ACO2: variants seen among roughly 807,000 people sequenced by gnomAD.
The protein encoded by ACO2 is aconitase 2, also known as aconitate hydratase, mitochondrial.
Under a neutral mutation model 84.5 loss-of-function variants are expected in ACO2, and 31 were observed. The ratio of observed to expected loss-of-function variants is 0.37; its 90% CI spans 0.28 to 0.50. ACO2 has a LOEUF of 0.50. Among genes scored for constraint, ACO2 ranks in the 20% least tolerant of loss-of-function variants. ACO2 has a pLI of 0.97. For missense variants in ACO2, 685 were observed against 1,029.3 expected (o/e 0.67, Z 4.58); for synonymous variants, 414 against 412.7 (o/e 1.00, Z -0.04).
chr22:41,528,684 G>T lies in ACO2; in HGVS notation c.*71G>T, dbSNP rs138060670. 4.5e-6 allele frequency: 7 copies of T among 1,562,792 alleles called. No individual in the cohort carries two copies. The highest frequency in any genetic ancestry group is 5.2e-6 in the Non-Finnish European group (6 of 1,156,810). Reference sequence around the variant, plus strand: ...CGTGTGCCATCAGTGGATCCGATCCGTCCAGCCATGGCTTCCTATTCCAAG... The same window carrying T: ...CGTGTGCCATCAGTGGATCCGATCCTTCCAGCCATGGCTTCCTATTCCAAG... On this transcript the variant is annotated 3_prime_UTR_variant, in exon 18 of 18. Coordinates refer to ENST00000216254, the MANE Select transcript of ACO2 (RefSeq NM_001098.3).
intron 1 of ACO2, among the ~76,000 whole-genome samples, chr22:41,478,074 AC>A (rs1461743714): frequency 6.6e-6 from 1 of 152,056 alleles, no homozygotes; most frequent in Non-Finnish European, 1.5e-5. Context: ...CAAAAAAAAA[AC>A]CAAACCAGTT....
chr22:41,523,316 C>T, intron 11 of ACO2, 38 bp downstream of exon 11: 2 of 1,523,024 alleles, frequency 1.3e-6, no homozygotes, highest in Non-Finnish European at 1.8e-6. Context: ...GCCCCTTGTG[C>T]ACAGGGTACA....
Position 41,526,364 on chromosome 22 carries a change from A to G in ACO2, c.1864A>G (p.Ile622Val), listed in dbSNP as rs2066596135. Reference sequence around the variant, plus strand: ...CTCCAACAACCTGCTCATTGGTGCCATCAACATTGAAAACGGCAAGGCCAA... The same window carrying G: ...CTCCAACAACCTGCTCATTGGTGCCGTCAACATTGAAAACGGCAAGGCCAA... ...NISNNLLIGA[I>V]NIENGKANSV... The change falls in exon 15 of 18, where the codon ATC (isoleucine) becomes GTC (valine). Residue 622 changes from isoleucine (I) to valine (V), a missense_variant. By Grantham distance (29) the Ile-to-Val change is conservative (BLOSUM62 3). Around this residue, in one of 5 missense-constraint regions of ACO2, gnomAD observed 174 missense variants for 236.6 expected, o/e 0.74. Transcript: ENST00000216254. The G allele has an allele frequency of 6.2e-7, 1 of 1,613,626 alleles. No homozygotes were observed. The highest frequency in any genetic ancestry group is 1.3e-5 in the African/African-American group (1 of 74,928).
intron 1 of ACO2, among the ~76,000 whole-genome samples, chr22:41,497,360 C>T (rs890586339): frequency 4.0e-5 from 6 of 151,484 alleles, no homozygotes. Context: ...TGAACCACTG[C>T]ACCCGGCCTC....
Position 41,524,869 on chromosome 22 carries a change from G to A in ACO2, c.1506G>A (p.Ala502=), listed in dbSNP as rs560570168. Residue 502 remains alanine (A), a synonymous_variant, in exon 13 of 18, where the codon GCG becomes GCA. Coordinates refer to ENST00000216254, the MANE Select transcript of ACO2 (RefSeq NM_001098.3). ...AGATTGTCACAGCCCTGGCCATTGCGGGAACCCTCAAGTTCAACCCAGAGA... is the reference window on the plus strand; with the variant it reads ...AGATTGTCACAGCCCTGGCCATTGCAGGAACCCTCAAGTTCAACCCAGAGA... ...SPEIVTALAI[A]GTLKFNPETD... 7.4e-6 allele frequency: 12 copies of A among 1,614,190 alleles called. No homozygotes were observed. Among genetic ancestry groups the A allele is most frequent in the African/African-American group, 5.3e-5 (4 of 75,052 alleles).
At chr22:41,479,158 G>C (rs191509602) in intron 1 of ACO2, among the ~76,000 whole-genome samples, 1 of 152,156 alleles carries the variant, frequency 6.6e-6, no homozygotes, top group African/African-American at 2.4e-5. Context: ...GTAGGTGGGG[G>C]AATTTGCTGG....
chr22:41,500,416 G>A (rs1569010233), intron 2 of ACO2, among the ~76,000 whole-genome samples: 4 of 148,570 alleles, frequency 2.7e-5, no homozygotes, highest in South Asian at 2.1e-4. Context: ...GCATAGTCTC[G>A]CCCTGTTGCC....
chr22:41,497,362 C>A (rs753698177), intron 1 of ACO2, among the ~76,000 whole-genome samples: 1 of 152,168 alleles, frequency 6.6e-6, no homozygotes, highest in South Asian at 2.1e-4. Context: ...AACCACTGCA[C>A]CCGGCCTCTT....
chr22:41,485,630 A>G (rs1241192143), intron 1 of ACO2, among the ~76,000 whole-genome samples: 5 of 151,564 alleles, frequency 3.3e-5, no homozygotes, highest in African/African-American at 4.9e-5. Context: ...TTTTTAGTAG[A>G]GATGGGGTTT....
At chr22:41,517,077 G>A (rs1238525189) in intron 6 of ACO2, among the ~76,000 whole-genome samples, 1 of 152,112 alleles carries the variant, frequency 6.6e-6, no homozygotes, top group African/African-American at 2.4e-5. Context: ...ACCAAGATCC[G>A]AATGTCAGCA....
intron 1 of ACO2, among the ~76,000 whole-genome samples, chr22:41,476,720 C>T (rs1431100812): frequency 6.6e-6 from 1 of 151,700 alleles, no homozygotes; most frequent in Non-Finnish European, 1.5e-5. Flanking sequence ...AAAAACAAAA[C>T]AAAACAAAAA....
intron 1 of ACO2, among the ~76,000 whole-genome samples, chr22:41,499,521 C>A (rs771881959): frequency 7.6e-4 from 116 of 152,210 alleles, no homozygotes; most frequent in Non-Finnish European, 1.4e-3. Flanking sequence ...GTCTATAAAT[C>A]CCTTGCACTT....
At chr22:41,527,848 A>G in intron 16 of ACO2, 53 bp from the exon 17 acceptor site, 1 of 1,613,314 alleles carries the variant, frequency 6.2e-7, no homozygotes. Flanking sequence ...TCAGAAAATG[A>G]AGCTCTCCAG....
Position 41,525,215 on chromosome 22 carries a change from C to T in ACO2, c.1628C>T (p.Thr543Ile), listed in dbSNP as rs763511343. The change falls in exon 14 of 18, where the codon ACC (threonine) becomes ATC (isoleucine). Residue 543 changes from threonine to isoleucine, a missense_variant. Thr to Ile is a moderately conservative substitution (Grantham distance 89). Coordinates refer to ENST00000216254, the MANE Select transcript of ACO2 (RefSeq NM_001098.3). The stretch of plus-strand genomic sequence containing the variant: ...CAGGAGTTTGACCCAGGGCAGGACA[C>T]CTACCAGCACCCACCCAAGGACAGC... Reference protein sequence around the residue: ...PKGEFDPGQDTYQHPPKDSSG... With the variant: ...PKGEFDPGQDIYQHPPKDSSG... The T allele has an allele frequency of 1.9e-6, 3 of 1,614,118 alleles. No individual in the cohort carries two copies. In the East Asian group the frequency reaches 6.7e-5, roughly 36 times the overall value.
intron 3 of ACO2, among the ~76,000 whole-genome samples, chr22:41,510,439 G>A (rs925822545): frequency 1.3e-5 from 2 of 152,214 alleles, no homozygotes; most frequent in African/African-American, 4.8e-5. Context: ...GGAAACCCAC[G>A]TTCTTTGCCA....
At chr22:41,509,985 A>G (rs1459041557) in intron 3 of ACO2, among the ~76,000 whole-genome samples, 1 of 151,584 alleles carries the variant, frequency 6.6e-6, no homozygotes, top group Non-Finnish European at 1.5e-5. Context: ...ACAGGCACCC[A>G]CCACCATACC....
chr22:41,528,431 G>A (rs771766674), intron 17 of ACO2, 48 bp from the exon 18 acceptor site: 1 of 1,599,818 alleles, frequency 6.3e-7, no homozygotes. Context: ...CGGGGCCAAG[G>A]GCACACAGTA....
chr22:41,503,612 AG>A (rs1436301399), intron 2 of ACO2, among the ~76,000 whole-genome samples: 1 of 152,136 alleles, frequency 6.6e-6, no homozygotes, highest in Non-Finnish European at 1.5e-5. Context: ...GACAGGTGTG[AG>A]CCACCACACC....
intron 9 of ACO2, among the ~76,000 whole-genome samples, chr22:41,521,129 T>C (rs1008892342): frequency 6.6e-6 from 1 of 150,380 alleles, no homozygotes; most frequent in African/African-American, 2.5e-5. Flanking sequence ...ATATTCACAA[T>C]CAAGAAGAAT....
Sources: gnomAD v4.1 joint callset for allele counts (sites outside exome capture counted in the v4.1 genomes callset) on GRCh38, gnomAD v4.1.1 for gene constraint, gnomAD v4.1.1 regional missense constraint, MANE v1.5 for transcripts, NCBI Gene and HGNC (gene_info 2026-07-23, HGNC 2026-07-21) for gene names.